RPS6KA2: variants seen among roughly 807,000 people sequenced by gnomAD.
RPS6KA2 encodes the protein ribosomal protein S6 kinase A2.
RPS6KA2 carries 42 observed loss-of-function variants against 91.8 expected under a neutral mutation model. That is an observed-to-expected ratio of 0.46 (90% CI 0.36 to 0.59). RPS6KA2 has a LOEUF of 0.59. Ranked by LOEUF, RPS6KA2 falls within the 20% of genes least tolerant of loss-of-function variation. The probability of loss-of-function intolerance (pLI) is 0.00; values close to 1 mark genes in which losing one functional copy is unlikely to be tolerated. For missense variants in RPS6KA2, 798 were observed against 978.5 expected (o/e 0.82, Z 2.46); for synonymous variants, 414 against 393.6 (o/e 1.05, Z -0.61).
chr6:166,423,777 T>C lies in RPS6KA2; in HGVS notation c.1582-360A>G, dbSNP rs1034255921. 5.4e-6 allele frequency: 1 copy of C among 185,512 alleles called. No individual in the cohort carries two copies. Among genetic ancestry groups the C allele is most frequent in the African/African-American group, 2.4e-5 (1 of 42,432 alleles). The allele number at this position is 185,512 out of a possible 1,614,324, so 11.5% of individuals were successfully genotyped here. A position where few individuals can be genotyped will look rare whatever the true frequency, so the allele number is the denominator to read the frequency against. ...ATAGGAATGAAAAGCATTTTAAAGA[T>C]GATATTCATTCAATAACTACTCCCT... On this transcript the variant is annotated intron_variant, in intron 16 of 20. Transcript: ENST00000265678. This position sits in a 1 kb window ranked among gnomAD's most constrained non-coding sequence, Gnocchi z 4.8.
rs1308255570 is a variant in RPS6KA2, at chr6:166,770,181, A to G, written c.123+88019T>C. 6.6e-6 allele frequency among the ~76,000 whole-genome samples: 1 copy of G among 152,204 alleles called. No individual in the cohort carries two copies. The highest frequency in any genetic ancestry group is 1.9e-4 in the East Asian group (1 of 5,204). ...TGTCACAACCACATGTGGCGTGACT[A>G]CCGACTTACTACATTTCACCTGAGT... On this transcript the variant is annotated intron_variant, in intron 2 of 21. Coordinates refer to the RPS6KA2 transcript ENST00000503859. This position sits in a 1 kb window ranked among gnomAD's most constrained non-coding sequence, Gnocchi z 5.1.
chr6:166,442,430 A>C (rs1479811482), intron 14 of RPS6KA2, among the ~76,000 whole-genome samples: 2 of 152,166 alleles, frequency 1.3e-5, no homozygotes, highest in African/African-American at 2.4e-5. Flanking sequence ...TATGTGTTGA[A>C]CCGTTCTGAG....
intron 14 of RPS6KA2, among the ~76,000 whole-genome samples, chr6:166,446,179 T>C (rs1454276682): frequency 6.6e-6 from 1 of 152,142 alleles, no homozygotes; most frequent in Non-Finnish European, 1.5e-5. Flanking sequence ...TGGAAGGAAA[T>C]CCAAACAACC....
chr6:166,836,434 A>G (rs1780317680), intron 2 of RPS6KA2, among the ~76,000 whole-genome samples: 1 of 106,252 alleles, frequency 9.4e-6, no homozygotes, highest in African/African-American at 2.8e-5. Context: ...AAGACTATAC[A>G]GTGAGTAAAT....
In RPS6KA2 at chr6:166,829,638, T is replaced by C. The variant is rs1423778720; in HGVS notation, c.123+28562A>G. The stretch of plus-strand genomic sequence containing the variant: ...AAAAAATTATTATATGGTCCATCAA[T>C]TCCCCTGCTAGATTGAAAAGCAGAG... On this transcript the variant is annotated intron_variant, in intron 2 of 21. Transcript: ENST00000503859. Among the ~76,000 whole-genome samples, 5 of 148,482 alleles carry C rather than the reference T, an allele frequency of 3.4e-5. No homozygotes were observed. In the East Asian group the frequency reaches 9.9e-4, roughly 29 times the overall value.
At chr6:166,543,482 G>A (rs1200539480) in intron 1 of RPS6KA2, among the ~76,000 whole-genome samples, 3 of 152,110 alleles carry the variant, frequency 2.0e-5, no homozygotes, top group Admixed American at 6.5e-5. Context: ...TTGCTAAATC[G>A]AGTGGCTAAA....
At chr6:166,835,247 T>C (rs948973103) in intron 2 of RPS6KA2, among the ~76,000 whole-genome samples, 9 of 152,230 alleles carry the variant, frequency 5.9e-5, no homozygotes, top group African/African-American at 2.2e-4. Flanking sequence ...AACTTTATTC[T>C]TCTTTCGCAA....
intron 2 of RPS6KA2, among the ~76,000 whole-genome samples, chr6:166,829,681 T>C (rs1317537662): frequency 6.6e-6 from 1 of 152,030 alleles, no homozygotes; most frequent in African/African-American, 2.4e-5. Context: ...CAGGTATTTG[T>C]CTACCCATGT....
intron 2 of RPS6KA2, among the ~76,000 whole-genome samples, chr6:166,789,010 C>T (rs1320076678): frequency 6.6e-6 from 1 of 152,118 alleles, no homozygotes; most frequent in Non-Finnish European, 1.5e-5. Flanking sequence ...AGACAGCGGG[C>T]ACAGGACAGC....
chr6:166,434,270 T>A lies in RPS6KA2; in HGVS notation c.1333-1780A>T, dbSNP rs930751521. Among the ~76,000 whole-genome samples, 19 of 152,232 alleles carry A rather than the reference T, an allele frequency of 1.2e-4. No individual in the cohort carries two copies. The highest frequency in any genetic ancestry group is 1.2e-3 in the Admixed American group (19 of 15,280). On this transcript the variant is annotated intron_variant, in intron 14 of 20. Coordinates refer to ENST00000265678, the MANE Select transcript of RPS6KA2 (RefSeq NM_021135.6). The surrounding 1 kb of genome is among the most constrained non-coding windows in gnomAD (Gnocchi z 4.4). Reference sequence around the variant, plus strand: ...GTGGCCCATGATCTGTGAGTCCTAATAGCCTGCGTTGTAAACAGGCAGAAG... The same window carrying A: ...GTGGCCCATGATCTGTGAGTCCTAAAAGCCTGCGTTGTAAACAGGCAGAAG...
chr6:166,718,183 G>C (rs1477783655), intron 2 of RPS6KA2, among the ~76,000 whole-genome samples: 1 of 152,106 alleles, frequency 6.6e-6, no homozygotes, highest in Non-Finnish European at 1.5e-5. Flanking sequence ...AAAAGCAACT[G>C]TGCACATTTA....
Position 166,855,444 on chromosome 6 carries a change from AGAAGAG to A in RPS6KA2, c.123+2750_123+2755del, listed in dbSNP as rs1562473214. The stretch of plus-strand genomic sequence containing the variant: ...AAGAAGAAGAGGAAGAAGAGGAAGA[AGAAGAG>A]GAAGAAGAAGAGGAAGAGGAAGAGG... On this transcript the variant is annotated intron_variant, in intron 2 of 21. Transcript: ENST00000503859. 4.7e-3 allele frequency among the ~76,000 whole-genome samples: 406 copies of A among 86,440 alleles called. 3 individuals carry two copies. Among genetic ancestry groups the A allele is most frequent in the African/African-American group, 0.014 (286 of 20,946 alleles). The allele number at this position is 86,440 out of a possible 152,430, so 56.7% of individuals were successfully genotyped here. A position where few individuals can be genotyped will look rare whatever the true frequency, so the allele number is the denominator to read the frequency against.
intron 2 of RPS6KA2, among the ~76,000 whole-genome samples, chr6:166,847,061 A>G (rs1039880366): frequency 6.6e-6 from 1 of 152,234 alleles, no homozygotes; most frequent in African/African-American, 2.4e-5. Context: ...TGAATTTAGC[A>G]AAGTTTCCAG....
chr6:166,648,741 C>A lies in RPS6KA2; in HGVS notation c.124-109957G>T, dbSNP rs764191190. ...ATCTGTATTACAGTGATTACTCCGG[C>A]GTCTGCATCTCGTCCTGAGGTCCTG... On this transcript the variant is annotated intron_variant, in intron 2 of 21. Transcript: ENST00000503859. This position sits in a 1 kb window ranked among gnomAD's most constrained non-coding sequence, Gnocchi z 4.8. Among the ~76,000 whole-genome samples, 2 of 152,156 alleles carry A rather than the reference C, an allele frequency of 1.3e-5. No homozygotes were observed. The highest frequency in any genetic ancestry group is 2.9e-5 in the Non-Finnish European group (2 of 68,034).
At chr6:166,538,831 CAG>C in intron 1 of RPS6KA2, 47 bp from the exon 2 acceptor site, 1 of 986,394 alleles carries the variant, frequency 1.0e-6, no homozygotes. Flanking sequence ...AGGAGTCCCT[CAG>C]AGCCGCTCAC....
At chr6:166,701,934 G>A (rs1377490954) in intron 2 of RPS6KA2, 19 of 1,146,112 alleles carry the variant, frequency 1.7e-5, no homozygotes, top group Non-Finnish European at 2.4e-5. Context: ...ATTTTTTTAA[G>A]ATTTCTTCCT....
chr6:166,768,742 G>T (rs775730304), intron 2 of RPS6KA2, among the ~76,000 whole-genome samples: 2 of 152,192 alleles, frequency 1.3e-5, no homozygotes, highest in Admixed American at 6.5e-5. Context: ...CTGCTCCCGG[G>T]TGACGCTGTG....
chr6:166,574,603 G>A lies in RPS6KA2; in HGVS notation c.100-35819C>T, dbSNP rs116984595. 1.5e-3 allele frequency among the ~76,000 whole-genome samples: 236 copies of A among 152,286 alleles called. 5 individuals carry two copies. The East Asian group carries it at 0.039, about 25-fold the overall frequency. ...ATTCCACGTCTGTGCTATTGTGAAC[G>A]TTGTTGCAGTGAAAATACAAGTGCA... On this transcript the variant is annotated intron_variant, in intron 1 of 20. Coordinates refer to ENST00000265678, the MANE Select transcript of RPS6KA2 (RefSeq NM_021135.6).
chr6:166,726,520 G>A lies in RPS6KA2; in HGVS notation c.123+131680C>T, dbSNP rs1790343827. Among the ~76,000 whole-genome samples, 1 of 152,206 alleles carries A rather than the reference G, an allele frequency of 6.6e-6. No individual in the cohort carries two copies. The highest frequency in any genetic ancestry group is 2.4e-5 in the African/African-American group (1 of 41,450). ...TGGAAGGGAAATGAAAGAAGGACAT[G>A]CATCCTGCCGCCCATGTCAGACACA... On this transcript the variant is annotated intron_variant, in intron 2 of 21. Transcript: ENST00000503859. The surrounding 1 kb of genome is among the most constrained non-coding windows in gnomAD (Gnocchi z 4.4).
Sources: gnomAD v4.1 joint callset for allele counts (sites outside exome capture counted in the v4.1 genomes callset) on GRCh38, gnomAD v4.1.1 for gene constraint, Gnocchi (gnomAD v3.1) non-coding constraint, MANE v1.5 for transcripts, NCBI Gene and HGNC (gene_info 2026-07-23, HGNC 2026-07-21) for gene names.